The following HERC1 variants were observed in gnomAD, a reference collection of about 807,000 sequenced individuals.
HERC1 encodes the protein probable E3 ubiquitin-protein ligase HERC1.
In HERC1, 160 loss-of-function variants were observed where a neutral mutation model predicts 554.3. The ratio of observed to expected loss-of-function variants is 0.29; its 90% CI spans 0.25 to 0.33. HERC1 has a LOEUF of 0.33. HERC1 is among the 10% of genes least tolerant of loss of function. HERC1 has a pLI of 1.00. For synonymous variants in HERC1, 2,175 were observed against 2,131.7 expected, an observed-to-expected ratio of 1.02 and a Z score of -0.56; for missense variants, 4,919 against 5,918.5, an observed-to-expected ratio of 0.83 and a Z score of 5.54.
chr15:63,767,893 C>T (rs537702264), intron 2 of HERC1, among the ~76,000 whole-genome samples: 102 of 152,326 alleles, frequency 6.7e-4, no homozygotes, highest in Non-Finnish European at 1.4e-3. Context: ...CTCACCCCAG[C>T]AAAGCTGCAG....
At chr15:63,817,109 A>G (rs1353305827) in intron 1 of HERC1, among the ~76,000 whole-genome samples, 1 of 151,836 alleles carries the variant, frequency 6.6e-6, no homozygotes, top group Non-Finnish European at 1.5e-5. Context: ...TTTCTTTTAA[A>G]AAATAAGAAA....
intron 1 of HERC1, among the ~76,000 whole-genome samples, chr15:63,791,264 A>G (rs927111049): frequency 1.3e-5 from 2 of 152,216 alleles, no homozygotes; most frequent in African/African-American, 2.4e-5. Context: ...CTGGTTGAGC[A>G]TCTCTGATCT....
Position 63,778,298 on chromosome 15 carries a change from C to G in HERC1, c.-26-2649G>C, listed in dbSNP as rs181665127. Among the ~76,000 whole-genome samples the G allele has an allele frequency of 5.3e-5, 8 of 152,132 alleles. No homozygotes were observed. The East Asian group carries it at 1.5e-3, about 29-fold the overall frequency. On this transcript the variant is annotated intron_variant, in intron 1 of 77. Transcript: ENST00000443617. Reference sequence around the variant, plus strand: ...GGCTAAAAATGATTTGGAGTGACTCCCAGAAAGATTAAATCCACACCGTAT... The same window carrying G: ...GGCTAAAAATGATTTGGAGTGACTCGCAGAAAGATTAAATCCACACCGTAT...
chr15:63,723,871 T>A (rs1328580557), intron 18 of HERC1, among the ~76,000 whole-genome samples: 2 of 152,198 alleles, frequency 1.3e-5, no homozygotes, highest in Non-Finnish European at 2.9e-5. Flanking sequence ...TTTGTACAGG[T>A]GGTTCCTAAC....
chr15:63,648,247 T>C (rs1172435105), intron 54 of HERC1, 48 bp from the exon 55 acceptor site: 5 of 1,531,786 alleles, frequency 3.3e-6, no homozygotes, highest in Admixed American at 2.0e-5. Context: ...TTATTTGTCA[T>C]TGTCTGACTT....
intron 41 of HERC1, 27 bp from the exon 42 acceptor site, chr15:63,666,177 C>T: frequency 6.4e-7 from 1 of 1,570,108 alleles, no homozygotes; most frequent in Non-Finnish European, 8.7e-7. Context: ...CAGTCTGATG[C>T]TGACTTTGGG....
intron 33 of HERC1, 56 bp from the exon 34 acceptor site, chr15:63,686,591 T>TA (rs2071775942): frequency 6.8e-7 from 1 of 1,478,684 alleles, no homozygotes; most frequent in African/African-American, 1.4e-5. Flanking sequence ...TCAGATAAGA[T>TA]ATATTCTGAG....
At position 63,674,696 on chromosome 15, in the gene HERC1, C is replaced by T; in HGVS notation, c.7492G>A (p.Val2498Ile). 6.2e-7 allele frequency: 1 copy of T among 1,613,712 alleles called. No homozygotes were observed. Among genetic ancestry groups the T allele is most frequent in the Non-Finnish European group, 8.5e-7 (1 of 1,179,752 alleles). The change falls in exon 38 of 78, where the codon GTA (valine) becomes ATA (isoleucine). Residue 2498 changes from valine (V) to isoleucine (I), a missense_variant. Val to Ile is a conservative substitution (Grantham distance 29, BLOSUM62 3). Transcript: ENST00000443617. ...NHEHMSKNHDVAQSEIRAVQL... is the reference protein window; with the variant it reads ...NHEHMSKNHDIAQSEIRAVQL... Reference sequence around the variant, plus strand: ...ACTGCTCTGATTTCTGACTGGGCTACATCATGGTTTTTGGACATGTGTTCA... The same window carrying T: ...ACTGCTCTGATTTCTGACTGGGCTATATCATGGTTTTTGGACATGTGTTCA...
intron 70 of HERC1, among the ~76,000 whole-genome samples, chr15:63,627,250 A>AC (rs890879096): frequency 7.0e-4 from 107 of 152,050 alleles, no homozygotes; most frequent in Admixed American, 1.6e-3. Flanking sequence ...GAATCTTAGG[A>AC]CCCCCCCTAA....
intron 69 of HERC1, 97 bp downstream of exon 69, chr15:63,630,369 G>A: frequency 5.0e-6 from 6 of 1,199,060 alleles, no homozygotes; most frequent in Non-Finnish European, 7.2e-6. Context: ...GAGTATTGCA[G>A]TAGATTATGA....
intron 1 of HERC1, among the ~76,000 whole-genome samples, chr15:63,804,295 A>C (rs1472424407): frequency 6.6e-6 from 1 of 152,228 alleles, no homozygotes; most frequent in Non-Finnish European, 1.5e-5. Flanking sequence ...TCCTTCAAAA[A>C]GTATTGCTAG....
At chr15:63,614,905 A>G (rs1277110212) in intron 76 of HERC1, among the ~76,000 whole-genome samples, 2 of 152,234 alleles carry the variant, frequency 1.3e-5, no homozygotes, top group Non-Finnish European at 2.9e-5. Context: ...CCTAGACCAT[A>G]ACATAGAAGT....
chr15:63,715,248 G>A (rs893164616), intron 22 of HERC1, among the ~76,000 whole-genome samples: 3 of 152,178 alleles, frequency 2.0e-5, no homozygotes, highest in African/African-American at 7.2e-5. Context: ...ACCAGTGCCT[G>A]GCATATATAG....
At chr15:63,641,756 A>G (rs904175749) in intron 59 of HERC1, 113 bp from the exon 60 acceptor site, 2 of 823,350 alleles carry the variant, frequency 2.4e-6, no homozygotes, top group African/African-American at 3.4e-5. Flanking sequence ...TGCTTTTTGG[A>G]TATTTTATAT....
At chr15:63,800,486 G>C (rs1945506645) in intron 1 of HERC1, among the ~76,000 whole-genome samples, 1 of 152,144 alleles carries the variant, frequency 6.6e-6, no homozygotes, top group Admixed American at 6.5e-5. Flanking sequence ...TTAGTCACAA[G>C]ATATCAGTTT....
At chr15:63,731,466 G>C (rs567863662) in intron 14 of HERC1, among the ~76,000 whole-genome samples, 15 of 152,064 alleles carry the variant, frequency 9.9e-5, no homozygotes, top group Admixed American at 9.2e-4. Context: ...TTTCAACTTT[G>C]TTGTAACATT....
intron 1 of HERC1, among the ~76,000 whole-genome samples, chr15:63,810,760 G>A (rs2077279587): frequency 6.6e-6 from 1 of 152,028 alleles, no homozygotes; most frequent in Admixed American, 6.6e-5. Context: ...ATTACAAAGG[G>A]GAAAAAAGTG....
At chr15:63,622,770 T>G in intron 74 of HERC1, 45 bp downstream of exon 74, 3 of 1,384,478 alleles carry the variant, frequency 2.2e-6, no homozygotes, top group Non-Finnish European at 9.9e-7. Flanking sequence ...TGTGAGCTAT[T>G]ATTATTATTT....
Position 63,645,572 on chromosome 15 carries a change from T to C in HERC1, c.10989A>G (p.Leu3663=), listed in dbSNP as rs12148246. The C allele has an allele frequency of 2.0e-5, 32 of 1,613,636 alleles. No individual in the cohort carries two copies. Among genetic ancestry groups the C allele is most frequent in the South Asian group, 1.4e-4 (13 of 90,994 alleles). The change falls in exon 56 of 78, where the codon CTA becomes CTG. Residue 3663 remains leucine (L), a synonymous_variant. Transcript: ENST00000443617. ...WGSISGCWCC[L]HSLCHPSIVN... ...CAATAGATGGATGGCAGAGTGAATG[T>C]AGACAGCACCAGCATCCCGAAATAG...
Sources: allele counts gnomAD v4.1 joint callset (sites outside exome capture counted in the v4.1 genomes callset), GRCh38; gene constraint gnomAD v4.1.1; transcripts MANE v1.5; gene names NCBI Gene and HGNC (gene_info 2026-07-23, HGNC 2026-07-21).